SLFN12L: variants seen among roughly 807,000 people sequenced by gnomAD.
The protein encoded by SLFN12L is schlafen family member 12-like.
Under a neutral mutation model 34.8 loss-of-function variants are expected in SLFN12L, and 34 were observed. That is an observed-to-expected ratio of 0.98 (90% confidence interval 0.74 to 1.30). SLFN12L has a LOEUF of 1.30. Among genes scored for constraint, SLFN12L ranks in the 50% most tolerant of loss-of-function variants. SLFN12L has a pLI of 0.00. For missense variants in SLFN12L, 703 were observed against 696.2 expected, an observed-to-expected ratio of 1.01 and a Z score of -0.11; for synonymous variants, 259 against 247.5, an observed-to-expected ratio of 1.05 and a Z score of -0.44.
At chr17:35,489,656 T>C (rs1327516338) in intron 2 of SLFN12L, among the ~76,000 whole-genome samples, 1 of 152,190 alleles carries the variant, frequency 6.6e-6, no homozygotes, top group African/African-American at 2.4e-5. Context: ...AAGAGTGATT[T>C]AGATGTGAAA....
In SLFN12L at chr17:35,466,813, C is replaced by T. The variant is rs983534328; in HGVS notation, c.*8110G>A. Among the ~76,000 whole-genome samples, 1 of 152,196 alleles carries T rather than the reference C, an allele frequency of 6.6e-6. No homozygotes were observed. Among genetic ancestry groups the T allele is most frequent in the African/African-American group, 2.4e-5 (1 of 41,432 alleles). On this transcript the variant is annotated 3_prime_UTR_variant, in exon 5 of 5. Transcript: ENST00000628453. ...AAGTCTAGACCACCTGTGATGGCTA[C>T]GAATTGCCTGAGGGCTCTCAGCCTC...
At chr17:35,491,012 G>C (rs1914814351) in intron 2 of SLFN12L, 2 of 788,330 alleles carry the variant, frequency 2.5e-6, no homozygotes, top group Admixed American at 3.4e-5. Context: ...TTCTCCTCCG[G>C]CCTCCCCAGC....
intron 1 of SLFN12L, among the ~76,000 whole-genome samples, chr17:35,535,208 T>C (rs1391888927): frequency 6.7e-6 from 1 of 150,254 alleles, no homozygotes; most frequent in Admixed American, 6.6e-5. Flanking sequence ...TTTTTTTTTT[T>C]AGATGGAGTT....
At chr17:35,523,242 C>T (rs1567687919) in intron 1 of SLFN12L, among the ~76,000 whole-genome samples, 1 of 152,084 alleles carries the variant, frequency 6.6e-6, no homozygotes, top group Non-Finnish European at 1.5e-5. Flanking sequence ...AGCACATTTC[C>T]TATGGAGAGG....
At chr17:35,522,205 G>A (rs2142169000) in intron 2 of SLFN12L, 74 bp downstream of exon 2, 6 of 1,577,390 alleles carry the variant, frequency 3.8e-6, no homozygotes, top group Non-Finnish European at 5.2e-6. Flanking sequence ...AATTTTCAAG[G>A]GACAAGGTGA....
chr17:35,501,461 C>T (rs35732784), intron 2 of SLFN12L, among the ~76,000 whole-genome samples: 5,046 of 152,214 alleles, frequency 0.033, 118 homozygotes, highest in South Asian at 0.12. Flanking sequence ...CTTGATACTT[C>T]GGTTTTGGTT....
intron 2 of SLFN12L, among the ~76,000 whole-genome samples, chr17:35,481,907 C>T (rs1044299398): frequency 1.3e-5 from 2 of 152,194 alleles, no homozygotes; most frequent in African/African-American, 4.8e-5. Context: ...GTTGCCCAGG[C>T]TGGAGTGCAA....
intron 3 of SLFN12L, 31 bp downstream of exon 3, chr17:35,479,086 G>A (rs772221461): frequency 6.7e-7 from 1 of 1,487,384 alleles, no homozygotes. Context: ...CAAGCCAAAG[G>A]TATCCTTATT....
chr17:35,504,947 T>C (rs150955888), intron 2 of SLFN12L, among the ~76,000 whole-genome samples: 177 of 152,308 alleles, frequency 1.2e-3, no homozygotes, highest in Non-Finnish European at 2.0e-3. Flanking sequence ...GCTATCCCTT[T>C]CACCCTGGCA....
At chr17:35,534,033 C>T in intron 1 of SLFN12L, among the ~76,000 whole-genome samples, 1 of 151,996 alleles carries the variant, frequency 6.6e-6, no homozygotes, top group African/African-American at 2.4e-5. Context: ...AATCATGCCA[C>T]TGCACTCCAG....
intron 2 of SLFN12L, chr17:35,480,617 A>G (rs1914294944): frequency 6.5e-6 from 1 of 153,956 alleles, no homozygotes; most frequent in African/African-American, 2.4e-5. Context: ...TTTTACATTC[A>G]TTAATTATCT....
chr17:35,505,268 A>G (rs557314984), intron 2 of SLFN12L, among the ~76,000 whole-genome samples: 6 of 152,160 alleles, frequency 3.9e-5, no homozygotes, highest in Non-Finnish European at 8.8e-5. Context: ...TTAACACTAT[A>G]TGTGTCAGAG....
chr17:35,501,274 G>GACCCCAT (rs1915287492), intron 2 of SLFN12L, among the ~76,000 whole-genome samples: 1 of 152,206 alleles, frequency 6.6e-6, no homozygotes, highest in Admixed American at 6.5e-5. Flanking sequence ...CCCCAATGGA[G>GACCCCAT]GATCAATATG....
At chr17:35,520,822 C>T (rs1400354391) in intron 2 of SLFN12L, among the ~76,000 whole-genome samples, 1 of 152,132 alleles carries the variant, frequency 6.6e-6, no homozygotes, top group Non-Finnish European at 1.5e-5. Context: ...TCTCCATGCA[C>T]ATGCACAACC....
chr17:35,522,130 T>C (rs944080336), intron 2 of SLFN12L, 149 bp downstream of exon 2: 4 of 1,053,306 alleles, frequency 3.8e-6, no homozygotes, highest in Non-Finnish European at 5.4e-6. Context: ...AAAAAAAAGG[T>C]AGAAAAAATT....
rs1913740985 is a variant in SLFN12L, at chr17:35,467,929, A to G, written c.*6994T>C. Among the ~76,000 whole-genome samples the G allele has an allele frequency of 6.6e-6, 1 of 152,124 alleles. No individual in the cohort carries two copies. Among genetic ancestry groups the G allele is most frequent in the Non-Finnish European group, 1.5e-5 (1 of 68,012 alleles). On this transcript the variant is annotated 3_prime_UTR_variant, in exon 5 of 5. Transcript: ENST00000628453. ...TGTTTTTGCTTTTTGTTTTGGTCTG[A>G]GACAAGGTCTCACTCTGTTACCCAG...
chr17:35,478,667 T>C (rs1331667207), intron 3 of SLFN12L, among the ~76,000 whole-genome samples: 1 of 152,222 alleles, frequency 6.6e-6, no homozygotes, highest in Non-Finnish European at 1.5e-5. Context: ...CAATTTAGGT[T>C]ACTCTTTGGC....
chr17:35,490,629 G>C (rs1914799744), intron 2 of SLFN12L: 5 of 871,504 alleles, frequency 5.7e-6, no homozygotes, highest in Non-Finnish European at 9.8e-6. Context: ...CTCAGGAAGA[G>C]AAGAAATTAG....
At chr17:35,503,894 A>G (rs953806705) in intron 2 of SLFN12L, among the ~76,000 whole-genome samples, 1 of 151,998 alleles carries the variant, frequency 6.6e-6, no homozygotes, top group Non-Finnish European at 1.5e-5. Flanking sequence ...TACAGCAGAA[A>G]AGGAATGGAC....
Sources: gnomAD v4.1 joint callset for allele counts (sites outside exome capture counted in the v4.1 genomes callset) on GRCh38, gnomAD v4.1.1 for gene constraint, MANE v1.5 for transcripts, NCBI Gene and HGNC (gene_info 2026-07-23, HGNC 2026-07-21) for gene names.